The following UBE3C variants were observed in gnomAD, a reference collection of about 807,000 sequenced individuals.
The protein encoded by UBE3C is ubiquitin-protein ligase E3C.
Under a neutral mutation model 129.4 loss-of-function variants are expected in UBE3C, and 42 were observed. The ratio of observed to expected loss-of-function variants is 0.32; its 90% CI spans 0.25 to 0.42. The LOEUF (loss-of-function observed/expected upper bound fraction) is 0.42. Ranked by LOEUF, UBE3C falls within the 10% of genes least tolerant of loss-of-function variation. UBE3C has a pLI of 1.00. For synonymous variants in UBE3C, 510 were observed against 492.4 expected, an observed-to-expected ratio of 1.04 and a Z score of -0.47; for missense variants, 1,049 against 1,319.1, an observed-to-expected ratio of 0.80 and a Z score of 3.17.
chr7:157,141,936 G>T (rs770903326), intron 1 of UBE3C, among the ~76,000 whole-genome samples: 1 of 152,164 alleles, frequency 6.6e-6, no homozygotes, highest in Non-Finnish European at 1.5e-5. Context: ...TAATACTCTT[G>T]TGCTGGGTCC....
intron 5 of UBE3C, 96 bp from the exon 6 acceptor site, chr7:157,178,594 A>G (rs1295083017): frequency 1.3e-5 from 17 of 1,267,378 alleles, no homozygotes; most frequent in Non-Finnish European, 1.9e-5. Flanking sequence ...CTTGTACTGG[A>G]ATAGTTTCTT....
chr7:157,151,292 T>C (rs1807750590), intron 1 of UBE3C, among the ~76,000 whole-genome samples: 1 of 152,244 alleles, frequency 6.6e-6, no homozygotes, highest in Non-Finnish European at 1.5e-5. Flanking sequence ...TGGTTTTCCT[T>C]CTTACCTCTT....
At chr7:157,172,436 C>A (rs577453007) in intron 4 of UBE3C, among the ~76,000 whole-genome samples, 2 of 152,180 alleles carry the variant, frequency 1.3e-5, no homozygotes, top group African/African-American at 4.8e-5. Flanking sequence ...GTCTTCCTCG[C>A]TACAAACCAT....
intron 18 of UBE3C, among the ~76,000 whole-genome samples, chr7:157,247,648 C>T (rs62493375): frequency 0.14 from 21,577 of 151,826 alleles, 1,944 homozygotes; most frequent in African/African-American, 0.24. Flanking sequence ...GCTGAGATCG[C>T]GCGGCTGCAC....
At chr7:157,234,262 A>G (rs1047143079) in intron 18 of UBE3C, among the ~76,000 whole-genome samples, 1 of 152,182 alleles carries the variant, frequency 6.6e-6, no homozygotes, top group Admixed American at 6.5e-5. Context: ...TAAAATCACA[A>G]AGATTTACAC....
intron 22 of UBE3C, among the ~76,000 whole-genome samples, chr7:157,260,578 T>G (rs1486676267): frequency 6.6e-6 from 1 of 152,222 alleles, no homozygotes; most frequent in Admixed American, 6.5e-5. Context: ...CGGTAAAGAT[T>G]TTAATGCCAT....
chr7:157,215,204 T>C (rs532610282), intron 13 of UBE3C, among the ~76,000 whole-genome samples: 14 of 152,296 alleles, frequency 9.2e-5, no homozygotes, highest in African/African-American at 3.1e-4. Context: ...AATAACACTT[T>C]TTCTCTGTCC....
intron 10 of UBE3C, among the ~76,000 whole-genome samples, chr7:157,196,707 G>A (rs1809129297): frequency 6.6e-6 from 1 of 152,094 alleles, no homozygotes; most frequent in Admixed American, 6.6e-5. Context: ...AGTGGCTCAC[G>A]CCTATAATCC....
rs2286129 is a variant in UBE3C at position 157,197,974 on chromosome 7, G to A, written c.1332-3747G>A. 6,887 of 1,609,218 alleles carry A rather than the reference G, an allele frequency of 4.3e-3. 149 individuals are homozygous for A. The highest frequency in any genetic ancestry group is 0.042 in the South Asian group (3,795 of 90,720). The stretch of plus-strand genomic sequence containing the variant: ...CTAAAAGCCTTGAACCTCAATCTAG[G>A]TTTTATGTATTCTTGATCCTGATGG... On this transcript the variant is annotated intron_variant, in intron 10 of 22. Transcript: ENST00000348165.
In UBE3C at chr7:157,207,127, GCTTACT is replaced by G. The variant is rs1454555399; in HGVS notation, c.1419-266_1419-261del. Among the ~76,000 whole-genome samples, 3 of 152,088 alleles carry G rather than the reference GCTTACT, an allele frequency of 2.0e-5. No individual in the cohort carries two copies. The East Asian group carries it at 5.8e-4, about 29-fold the overall frequency. On this transcript the variant is annotated intron_variant, in intron 11 of 22. Coordinates refer to ENST00000348165, the MANE Select transcript of UBE3C (RefSeq NM_014671.3). ...TAGGGCCTTAGTCTGGGAACGACTG[GCTTACT>G]CTTAGTAACTTCATTATCTAGTTGG...
chr7:157,144,611 A>C (rs1807553248), intron 1 of UBE3C, among the ~76,000 whole-genome samples: 1 of 152,180 alleles, frequency 6.6e-6, no homozygotes, highest in Non-Finnish European at 1.5e-5. Context: ...GGAGGAACTG[A>C]AATTTTTTAA....
At chr7:157,142,505 A>T (rs779474889) in intron 1 of UBE3C, among the ~76,000 whole-genome samples, 8 of 152,150 alleles carry the variant, frequency 5.3e-5, no homozygotes, top group Non-Finnish European at 1.0e-4. Context: ...AATTGTTTGG[A>T]GCTTAGTCCT....
chr7:157,246,738 A>G (rs1179682170), intron 18 of UBE3C, among the ~76,000 whole-genome samples: 1 of 152,128 alleles, frequency 6.6e-6, no homozygotes, highest in East Asian at 1.9e-4. Flanking sequence ...ACCTCCAGAC[A>G]GTAGGAAGGC....
intron 21 of UBE3C, among the ~76,000 whole-genome samples, chr7:157,255,736 A>C (rs1158918514): frequency 1.3e-5 from 2 of 152,230 alleles, no homozygotes; most frequent in African/African-American, 4.8e-5. Context: ...GTATATTAAC[A>C]ATGAGGGAAC....
chr7:157,257,323 A>G (rs1319950158), intron 22 of UBE3C, among the ~76,000 whole-genome samples: 2 of 152,166 alleles, frequency 1.3e-5, no homozygotes, highest in Non-Finnish European at 2.9e-5. Flanking sequence ...ACTATTTGCA[A>G]TATTAATAAT....
At chr7:157,153,485 C>G (rs999354727) in intron 1 of UBE3C, among the ~76,000 whole-genome samples, 1 of 152,014 alleles carries the variant, frequency 6.6e-6, no homozygotes, top group African/African-American at 2.4e-5. Context: ...TAACAGAGTC[C>G]AGGTCTCACG....
At chr7:157,196,050 T>C (rs1466324459) in intron 10 of UBE3C, among the ~76,000 whole-genome samples, 1 of 152,178 alleles carries the variant, frequency 6.6e-6, no homozygotes, top group East Asian at 1.9e-4. Context: ...GGGACTAATT[T>C]AATCATGAGT....
Position 157,171,059 on chromosome 7 carries a change from C to T in UBE3C, c.342+609C>T, listed in dbSNP as rs889213916. Among the ~76,000 whole-genome samples the T allele has an allele frequency of 2.0e-5, 3 of 151,960 alleles. No homozygotes were observed. The South Asian group carries it at 6.2e-4, about 32-fold the overall frequency. ...ACTTCTAGCCTCAAGTGATTTTTCC[C>T]TCCCTGGCCTCTCAAAGTGCTGGAA... On this transcript the variant is annotated intron_variant, in intron 4 of 22. Transcript: ENST00000348165.
chr7:157,196,992 T>C (rs907997521), intron 10 of UBE3C, among the ~76,000 whole-genome samples: 1 of 152,184 alleles, frequency 6.6e-6, no homozygotes, highest in African/African-American at 2.4e-5. Flanking sequence ...TGCTGAACTT[T>C]ATGTGTTTCT....
Sources: allele counts gnomAD v4.1 joint callset (sites outside exome capture counted in the v4.1 genomes callset), GRCh38; gene constraint gnomAD v4.1.1; transcripts MANE v1.5; gene names NCBI Gene and HGNC (gene_info 2026-07-23, HGNC 2026-07-21).